TPM1: variants seen among roughly 807,000 people sequenced by gnomAD.
TPM1 encodes tropomyosin alpha-1 chain.
Under a neutral mutation model 42.9 loss-of-function variants are expected in TPM1, and 24 were observed. That is an observed-to-expected ratio of 0.56 (90% confidence interval 0.41 to 0.79). TPM1 has a LOEUF of 0.79. TPM1 is among the 30% of genes least tolerant of loss of function. TPM1 has a pLI of 0.00. For missense variants in TPM1, 158 were observed against 351.8 expected, an observed-to-expected ratio of 0.45 and a Z score of 4.41; for synonymous variants, 136 against 130.1, an observed-to-expected ratio of 1.05 and a Z score of -0.31.
At chr15:63,043,649 G>T in intron 1 of TPM1, 10 of 1,535,814 alleles carry the variant, frequency 6.5e-6, no homozygotes, top group South Asian at 1.2e-5. Flanking sequence ...CGTGTGTTGT[G>T]TGTGTCTAAC....
At position 63,059,596 on chromosome 15, in the gene TPM1, A is replaced by G. The variant is rs1596372037; in HGVS notation, c.408A>G (p.Lys136=). Residue 136 remains lysine, a synonymous_variant, in exon 4 of 10, where the codon AAA becomes AAG. Coordinates refer to ENST00000403994, the MANE Select transcript of TPM1 (RefSeq NM_001018005.2). ...GMKVIESRAQ[K]DEEKMEIQEI... ...AAGTCATTGAGAGTCGAGCCCAAAA[A>G]GATGAAGAAAAAATGGAAATTCAGG... is the stretch of plus-strand genomic sequence containing the variant. The G allele has an allele frequency of 6.2e-7, 1 of 1,611,634 alleles. No homozygotes were observed. Among genetic ancestry groups the G allele is most frequent in the Non-Finnish European group, 8.5e-7 (1 of 1,178,430 alleles).
At chr15:63,066,413 G>A (rs146139943), downstream of TPM1, among the ~76,000 whole-genome samples, 89 of 152,308 alleles carry the variant, frequency 5.8e-4, no homozygotes, top group Non-Finnish European at 1.1e-3. Context: ...AGGGGACATT[G>A]CTTGTTGAGA....
chr15:63,062,073 G>A lies in TPM1; in HGVS notation c.640-142G>A, dbSNP rs752144586. 48 of 769,322 alleles carry A rather than the reference G, an allele frequency of 6.2e-5. 1 individual carries two copies. The Middle Eastern group carries it at 9.0e-4, about 14-fold the overall frequency. 47.7% of individuals were successfully genotyped at this position (769,322 alleles called of 1,614,324 possible). On this transcript the variant is annotated intron_variant, in intron 6 of 9. Coordinates refer to ENST00000403994, the MANE Select transcript of TPM1 (RefSeq NM_001018005.2). ...GCAAGAAAGCAGAGAATGTATTGCA[G>A]TGTGCCATTTGATATCAGAGGTTCC...
intron 2 of TPM1, among the ~76,000 whole-genome samples, chr15:63,050,267 A>G (rs1566946991): frequency 6.6e-6 from 1 of 152,152 alleles, no homozygotes; most frequent in East Asian, 1.9e-4. Context: ...ACATCATAAA[A>G]CACTTCATTT....
intron 2 of TPM1, among the ~76,000 whole-genome samples, chr15:63,051,755 C>G (rs975378671): frequency 6.6e-6 from 1 of 152,184 alleles, no homozygotes; most frequent in African/African-American, 2.4e-5. Context: ...TTATAATATT[C>G]TCCCACCAGT....
intron 4 of TPM1, 190 bp downstream of exon 4, chr15:63,059,870 C>CT (rs1357196699): frequency 2.2e-6 from 1 of 446,370 alleles, no homozygotes; most frequent in Non-Finnish European, 4.2e-6. Flanking sequence ...GGATCCCAGG[C>CT]TTTATCAGGA....
In TPM1 at chr15:63,042,883, C is replaced by T. The variant is rs781415770; in HGVS notation, c.54C>T (p.Ala18=). The change falls in exon 1 of 10, where the codon GCC becomes GCT. Residue 18 remains alanine, a synonymous_variant. Transcript: ENST00000403994. The part of the protein sequence containing the change: ...MQMLKLDKEN[A]LDRAEQAEAD... ...TGCTGAAGCTCGACAAGGAGAACGC[C>T]TTGGATCGAGCTGAGCAGGCGGAGG... 6.2e-7 allele frequency: 1 copy of T among 1,613,358 alleles called. No individual in the cohort carries two copies. The highest frequency in any genetic ancestry group is 8.5e-7 in the Non-Finnish European group (1 of 1,179,514).
In TPM1 at chr15:63,042,748, C is replaced by A. The variant is rs1036337244; in HGVS notation, c.-82C>A. ...TCTGGGAGAAGCAGGCGGCTCCGCG[C>A]TCGCACTCCCGCTCCTCCGCCCGAC... On this transcript the variant is annotated 5_prime_UTR_variant, in exon 1 of 10. Coordinates refer to ENST00000403994, the MANE Select transcript of TPM1 (RefSeq NM_001018005.2). The A allele has an allele frequency of 1.7e-6, 2 of 1,149,036 alleles. No homozygotes were observed. Among genetic ancestry groups the A allele is most frequent in the Non-Finnish European group, 2.6e-6 (2 of 777,514 alleles). The allele number at this position is 1,149,036 out of a possible 1,614,324, so 71.2% of individuals were successfully genotyped here.
At chr15:63,069,727 G>A (rs561815907), downstream of TPM1, 4 of 1,021,736 alleles carry the variant, frequency 3.9e-6, no homozygotes, top group African/African-American at 4.7e-5. Flanking sequence ...TGACTATGGG[G>A]TAAGAGTAAA....
chr15:63,048,658 C>G (rs1335204369), intron 2 of TPM1: 1 of 1,539,260 alleles, frequency 6.5e-7, no homozygotes. Flanking sequence ...GAGGAGCGCG[C>G]GGGCACCCTG....
downstream of TPM1, chr15:63,069,751 G>T: frequency 7.8e-7 from 1 of 1,278,774 alleles, no homozygotes; most frequent in South Asian, 1.2e-5. Flanking sequence ...CTCAGCAAGT[G>T]ACCAGTTGCT....
chr15:63,043,890 C>G, intron 1 of TPM1, 137 bp from the exon 2 acceptor site: 2 of 1,551,274 alleles, frequency 1.3e-6, no homozygotes, highest in South Asian at 1.2e-5. Context: ...CTCTTTCTCT[C>G]TCTCCCTCCC....
At chr15:63,062,749 C>G (rs764698939) in intron 8 of TPM1, 104 bp downstream of exon 8, 4 of 1,592,408 alleles carry the variant, frequency 2.5e-6, no homozygotes, top group Non-Finnish European at 3.4e-6. Flanking sequence ...CGCTCCTTTG[C>G]ACTTGCACAT....
chr15:63,059,071 C>A (rs933201188), intron 3 of TPM1, among the ~76,000 whole-genome samples: 2 of 152,174 alleles, frequency 1.3e-5, no homozygotes, highest in African/African-American at 4.8e-5. Flanking sequence ...TTTATTAAAT[C>A]TAACATTAAG....
intron 1 of TPM1, chr15:63,043,727 AAGG>A: frequency 1.9e-6 from 3 of 1,548,464 alleles, no homozygotes; most frequent in Non-Finnish European, 1.7e-6. Context: ...CATCGCGGCC[AAGG>A]AGAAGTTGCT....
At chr15:63,064,815 A>T in intron 9 of TPM1, 4 of 570,188 alleles carry the variant, frequency 7.0e-6, no homozygotes, top group Non-Finnish European at 8.9e-6. Flanking sequence ...AATACAAAAA[A>T]AATTAGCCGG....
At chr15:63,062,800 G>A in intron 8 of TPM1, 155 bp downstream of exon 8, 1 of 1,542,794 alleles carries the variant, frequency 6.5e-7, no homozygotes, top group Non-Finnish European at 8.7e-7. Flanking sequence ...TGTGGCTCTT[G>A]AACTCATGAA....
At chr15:63,057,265 G>T in intron 3 of TPM1, 147 bp downstream of exon 3, 1 of 1,170,630 alleles carries the variant, frequency 8.5e-7, no homozygotes, top group Non-Finnish European at 1.2e-6. Flanking sequence ...TAACTCGGTT[G>T]GTTTTGTTCA....
chr15:63,061,493 C>G, intron 5 of TPM1: 1 of 721,122 alleles, frequency 1.4e-6, no homozygotes, highest in Non-Finnish European at 2.4e-6. Flanking sequence ...TATCGCACTT[C>G]AAAGTTGTTG....
Sources: gnomAD v4.1 joint callset for allele counts (sites outside exome capture counted in the v4.1 genomes callset) on GRCh38, gnomAD v4.1.1 for gene constraint, MANE v1.5 for transcripts, NCBI Gene and HGNC (gene_info 2026-07-23, HGNC 2026-07-21) for gene names.